Variants in MAP2K1 observed in about 807,000 individuals in gnomAD.
The protein encoded by MAP2K1 is mitogen-activated protein kinase kinase 1.
A neutral mutation model predicts 46.3 loss-of-function variants in MAP2K1; 16 were observed. The observed-to-expected ratio is 0.35, with a 90% CI of 0.23 to 0.52. The LOEUF (loss-of-function observed/expected upper bound fraction) is 0.52, where lower values mean the gene tolerates loss of function less well. MAP2K1 is among the 20% of genes least tolerant of loss of function. MAP2K1 has a pLI of 0.94. For synonymous variants in MAP2K1, 183 were observed against 185.6 expected, an observed-to-expected ratio of 0.99 and a Z score of 0.11; for missense variants, 263 against 497.1, an observed-to-expected ratio of 0.53 and a Z score of 4.48.
intron 1 of MAP2K1, among the ~76,000 whole-genome samples, chr15:66,425,173 T>A (rs1207010441): frequency 1.3e-5 from 2 of 152,140 alleles, no homozygotes; most frequent in Non-Finnish European, 2.9e-5. Context: ...TCCCTTCCTG[T>A]GTATGGCAGC....
intron 5 of MAP2K1, among the ~76,000 whole-genome samples, chr15:66,479,121 G>T (rs2140663522): frequency 6.6e-6 from 1 of 151,784 alleles, no homozygotes; most frequent in Non-Finnish European, 1.5e-5. Flanking sequence ...GGAGACAGAG[G>T]AGTCTCACTC....
At chr15:66,438,650 G>A (rs998823047) in intron 3 of MAP2K1, among the ~76,000 whole-genome samples, 2 of 151,992 alleles carry the variant, frequency 1.3e-5, no homozygotes, top group Non-Finnish European at 2.9e-5. Context: ...GTGACTGCAG[G>A]TCAGTTTTTC....
chr15:66,480,961 T>C (rs1383929284), intron 5 of MAP2K1, among the ~76,000 whole-genome samples: 1 of 152,116 alleles, frequency 6.6e-6, no homozygotes, highest in Non-Finnish European at 1.5e-5. Context: ...AAAAAATGTT[T>C]GGAAATTTAG....
intron 1 of MAP2K1, among the ~76,000 whole-genome samples, chr15:66,395,470 A>C (rs1168575482): frequency 1.4e-5 from 2 of 146,326 alleles, no homozygotes; most frequent in Non-Finnish European, 3.0e-5. Context: ...TACTCTCCTC[A>C]CTGTGCCACC....
chr15:66,449,647 G>A (rs1567014441), intron 5 of MAP2K1, among the ~76,000 whole-genome samples: 3 of 152,200 alleles, frequency 2.0e-5, no homozygotes, highest in Non-Finnish European at 2.9e-5. Context: ...TCAGGAGGCC[G>A]AGGTGGGTGG....
At position 66,491,395 on chromosome 15, in the gene MAP2K1, T is replaced by C. The variant is rs770655370; in HGVS notation, c.*780T>C. 40 of 231,170 alleles carry C rather than the reference T, an allele frequency of 1.7e-4. No individual in the cohort carries two copies. The highest frequency in any genetic ancestry group is 2.4e-4 in the Non-Finnish European group (28 of 116,798). 14.3% of individuals were successfully genotyped at this position (231,170 alleles called of 1,614,324 possible). On this transcript the variant is annotated 3_prime_UTR_variant, in exon 11 of 11. Transcript: ENST00000307102. Reference sequence around the variant, plus strand: ...AAAATGTCGGATTTATCTTTCCCCATATCCAAGTACCAATGCTGTTGTAAA... The same window carrying C: ...AAAATGTCGGATTTATCTTTCCCCACATCCAAGTACCAATGCTGTTGTAAA...
At chr15:66,472,527 C>T (rs967590266) in intron 5 of MAP2K1, among the ~76,000 whole-genome samples, 1 of 152,012 alleles carries the variant, frequency 6.6e-6, no homozygotes, top group Admixed American at 6.6e-5. Flanking sequence ...ATCACCGTGG[C>T]CAGGTGACAG....
intron 1 of MAP2K1, among the ~76,000 whole-genome samples, chr15:66,413,020 A>G (rs1293489918): frequency 1.3e-5 from 2 of 151,772 alleles, no homozygotes; most frequent in Non-Finnish European, 2.9e-5. Context: ...CTCAGCCTCT[A>G]AAGTAGCTGG....
chr15:66,449,015 A>AAC (rs1269903703), intron 5 of MAP2K1, among the ~76,000 whole-genome samples: 1 of 150,746 alleles, frequency 6.6e-6, no homozygotes, highest in Non-Finnish European at 1.5e-5. Context: ...AAAAAAAAAA[A>AAC]AAAAAAAAAA....
At chr15:66,477,838 G>A (rs187174028) in intron 5 of MAP2K1, among the ~76,000 whole-genome samples, 7 of 152,214 alleles carry the variant, frequency 4.6e-5, no homozygotes, top group Non-Finnish European at 8.8e-5. Context: ...CCCAGCAGGC[G>A]CTGTCACACC....
intron 4 of MAP2K1, 41 bp downstream of exon 4, chr15:66,443,398 A>G (rs955368719): frequency 9.2e-6 from 11 of 1,200,572 alleles, no homozygotes; most frequent in Non-Finnish European, 1.4e-5. Context: ...TTCCTCATTG[A>G]TAAGTTAATG....
chr15:66,390,488 C>T (rs2140515518), intron 1 of MAP2K1, among the ~76,000 whole-genome samples: 1 of 152,254 alleles, frequency 6.6e-6, no homozygotes, highest in Non-Finnish European at 1.5e-5. Context: ...TTTCCCTTGG[C>T]ACCTGTGCTT....
At chr15:66,431,440 T>G (rs1567007842) in intron 1 of MAP2K1, among the ~76,000 whole-genome samples, 1 of 152,222 alleles carries the variant, frequency 6.6e-6, no homozygotes, top group Admixed American at 6.5e-5. Context: ...TGTTTCATCT[T>G]TCATTCTCTG....
chr15:66,449,906 C>G (rs371202876), intron 5 of MAP2K1, among the ~76,000 whole-genome samples: 1 of 150,576 alleles, frequency 6.6e-6, no homozygotes, highest in Non-Finnish European at 1.5e-5. Flanking sequence ...ACTGGCAAAC[C>G]GAATCCAGCA....
intron 4 of MAP2K1, among the ~76,000 whole-genome samples, chr15:66,443,585 A>AAT (rs200713967): frequency 4.9e-4 from 3 of 6,132 alleles, no homozygotes; most frequent in Non-Finnish European, 4.8e-3. Context: ...TGTCTTGAAA[A>AAT]ACGGGCCAGG....
chr15:66,452,435 C>G (rs7162359), intron 5 of MAP2K1, among the ~76,000 whole-genome samples: 149,761 of 152,300 alleles, frequency 0.98, 73,681 homozygotes, highest in East Asian at 1. Context: ...AGTTTTTCTA[C>G]CAGTTTAGTC....
intron 1 of MAP2K1, among the ~76,000 whole-genome samples, chr15:66,429,058 G>C (rs144288178): frequency 6.6e-6 from 1 of 152,260 alleles, no homozygotes; most frequent in African/African-American, 2.4e-5. Context: ...AGGATTACAG[G>C]TGTGAGCCAG....
chr15:66,428,954 A>G (rs111714747), intron 1 of MAP2K1, among the ~76,000 whole-genome samples: 10,368 of 150,888 alleles, frequency 0.069, 1,169 homozygotes, highest in African/African-American at 0.24. Flanking sequence ...TAATTTTTCT[A>G]TTTTTTGTAG....
chr15:66,424,930 T>C (rs541837179), intron 1 of MAP2K1, among the ~76,000 whole-genome samples: 1 of 151,556 alleles, frequency 6.6e-6, no homozygotes, highest in East Asian at 1.9e-4. Context: ...CCCGAGTAGC[T>C]GGGATTACAG....
Sources: allele counts gnomAD v4.1 joint callset (sites outside exome capture counted in the v4.1 genomes callset), GRCh38; gene constraint gnomAD v4.1.1; transcripts MANE v1.5; gene names NCBI Gene and HGNC (gene_info 2026-07-23, HGNC 2026-07-21).